ERBB4: variants seen among roughly 807,000 people sequenced by gnomAD.
ERBB4 encodes receptor tyrosine-protein kinase erbB-4.
ERBB4 carries 42 observed loss-of-function variants against 158.0 expected under a neutral mutation model. The ratio of observed to expected loss-of-function variants is 0.27; its 90% CI spans 0.21 to 0.34. The LOEUF (loss-of-function observed/expected upper bound fraction) is 0.34. Among genes scored for constraint, ERBB4 ranks in the 10% least tolerant of loss-of-function variants. The pLI is 1.00. For missense variants in ERBB4, 1,333 were observed against 1,624.1 expected (o/e 0.82, Z 3.08); for synonymous variants, 583 against 558.7 (o/e 1.04, Z -0.61).
At chr2:211,932,257 G>A (rs914594189) in intron 3 of ERBB4, among the ~76,000 whole-genome samples, 1 of 151,896 alleles carries the variant, frequency 6.6e-6, no homozygotes, top group Non-Finnish European at 1.5e-5. Flanking sequence ...TCTGAGCTCT[G>A]TTTTTATCAC....
chr2:211,887,298 GA>G (rs1194068444), intron 3 of ERBB4, among the ~76,000 whole-genome samples: 6 of 141,568 alleles, frequency 4.2e-5, no homozygotes, highest in South Asian at 2.2e-4. Flanking sequence ...GAAACAACAG[GA>G]AAAAAAAAAC....
At chr2:211,410,509 C>T (rs980010793) in intron 25 of ERBB4, among the ~76,000 whole-genome samples, 8 of 152,010 alleles carry the variant, frequency 5.3e-5, no homozygotes, top group African/African-American at 1.4e-4. Flanking sequence ...GAGAAAATGT[C>T]GAAAGGGATA....
At chr2:211,609,223 A>T (rs2069099611) in intron 19 of ERBB4, among the ~76,000 whole-genome samples, 1 of 152,130 alleles carries the variant, frequency 6.6e-6, no homozygotes, top group African/African-American at 2.4e-5. Flanking sequence ...CAGCCATAAA[A>T]TCTGAAAATA....
chr2:212,211,575 ACAG>A (rs80253014), intron 1 of ERBB4, among the ~76,000 whole-genome samples: 24,539 of 151,642 alleles, frequency 0.16, 2,403 homozygotes, highest in Non-Finnish European at 0.21. Context: ...CAAAGTCTAA[ACAG>A]CAGAAGTTTC....
At chr2:211,878,301 C>T (rs188954003) in intron 3 of ERBB4, among the ~76,000 whole-genome samples, 167 of 151,718 alleles carry the variant, frequency 1.1e-3, no homozygotes, top group Non-Finnish European at 2.1e-3. Flanking sequence ...GCCTAAACAA[C>T]TAAAGAAAAA....
chr2:211,403,179 C>T (rs6719315), intron 25 of ERBB4, among the ~76,000 whole-genome samples: 5 of 152,200 alleles, frequency 3.3e-5, no homozygotes, highest in African/African-American at 1.2e-4. Context: ...AAAATGTTCC[C>T]TACAGTTTAT....
At chr2:211,893,078 C>A (rs979023256) in intron 3 of ERBB4, among the ~76,000 whole-genome samples, 3 of 147,054 alleles carry the variant, frequency 2.0e-5, no homozygotes, top group Non-Finnish European at 4.5e-5. Context: ...TCATATGGAA[C>A]CAAAAAAGAG....
At chr2:211,538,509 A>C (rs2066714464) in intron 20 of ERBB4, among the ~76,000 whole-genome samples, 1 of 151,812 alleles carries the variant, frequency 6.6e-6, no homozygotes, top group Non-Finnish European at 1.5e-5. Context: ...TCTAGGCATA[A>C]AATTCCTCAG....
Position 211,708,640 on chromosome 2 carries a change from C to CTCTT in ERBB4, c.1125-3250_1125-3249insAAGA, listed in dbSNP as rs1553615026. 2.6e-5 allele frequency among the ~76,000 whole-genome samples: 3 copies of CTCTT among 114,570 alleles called. 1 individual carries two copies. Among genetic ancestry groups the CTCTT allele is most frequent in the African/African-American group, 8.4e-5 (3 of 35,836 alleles). 75.2% of individuals were successfully genotyped at this position (114,570 alleles called of 152,430 possible). A position where few individuals can be genotyped will look rare whatever the true frequency, so the allele number is the denominator to read the frequency against. On this transcript the variant is annotated intron_variant, in intron 9 of 27. Coordinates refer to ENST00000342788, the MANE Select transcript of ERBB4 (RefSeq NM_005235.3). ...TCTCTCTCTCTCTCTCTCTCTCTCTCTCTCACTATCTTTCCCTCCTTCCCT... is the reference window on the plus strand; with the variant it reads ...TCTCTCTCTCTCTCTCTCTCTCTCTCTCTTTCTCACTATCTTTCCCTCCTTCCCT...
At chr2:212,206,086 T>C (rs890728547) in intron 1 of ERBB4, among the ~76,000 whole-genome samples, 2 of 152,194 alleles carry the variant, frequency 1.3e-5, no homozygotes, top group East Asian at 1.9e-4. Context: ...AGGGAACCAA[T>C]AAAGATTTGC....
intron 1 of ERBB4, among the ~76,000 whole-genome samples, chr2:212,516,716 A>C (rs981744764): frequency 2.6e-5 from 4 of 152,082 alleles, no homozygotes; most frequent in African/African-American, 9.7e-5. Context: ...GTTGCTGCTG[A>C]TGTTGTTTTG....
intron 25 of ERBB4, among the ~76,000 whole-genome samples, chr2:211,392,596 A>ACACACC (rs1358178557): frequency 2.1e-5 from 3 of 142,334 alleles, no homozygotes; most frequent in African/African-American, 7.7e-5. Flanking sequence ...ACACACACAC[A>ACACACC]CACACCCCAA....
intron 5 of ERBB4, among the ~76,000 whole-genome samples, chr2:211,729,605 A>T (rs563834198): frequency 6.6e-6 from 1 of 152,028 alleles, no homozygotes; most frequent in East Asian, 1.9e-4. Context: ...GGCACCATAG[A>T]GTAAATTTAT....
intron 1 of ERBB4, among the ~76,000 whole-genome samples, chr2:212,289,665 G>C (rs1235479829): frequency 6.6e-6 from 1 of 152,138 alleles, no homozygotes; most frequent in East Asian, 1.9e-4. Flanking sequence ...GTATCTGAGG[G>C]CAGAATTTAG....
At position 212,499,720 on chromosome 2, in the gene ERBB4, G is replaced by C. The variant is rs1252500010; in HGVS notation, c.82+38729C>G. On this transcript the variant is annotated intron_variant, in intron 1 of 27. Coordinates refer to ENST00000342788, the MANE Select transcript of ERBB4 (RefSeq NM_005235.3). ...TTGAAGTGGTGGTTCCCTTGGCAGAGAGGAGAACATAGAAATTTGGTAAAG... is the reference window on the plus strand; with the variant it reads ...TTGAAGTGGTGGTTCCCTTGGCAGACAGGAGAACATAGAAATTTGGTAAAG... 3.3e-5 allele frequency among the ~76,000 whole-genome samples: 5 copies of C among 152,148 alleles called. No homozygotes were observed. In the East Asian group the frequency reaches 9.6e-4, roughly 29 times the overall value.
At chr2:212,250,042 T>C (rs1055136349) in intron 1 of ERBB4, among the ~76,000 whole-genome samples, 2 of 152,024 alleles carry the variant, frequency 1.3e-5, no homozygotes, top group African/African-American at 4.8e-5. Context: ...AATTTAATCA[T>C]TGAACCTAAA....
chr2:211,605,114 A>G (rs1020635660), intron 19 of ERBB4, among the ~76,000 whole-genome samples: 17 of 152,310 alleles, frequency 1.1e-4, no homozygotes, highest in African/African-American at 3.6e-4. Context: ...CTTGGATCAC[A>G]GTTAACAGAC....
At chr2:212,444,518 A>G (rs1046776032) in intron 1 of ERBB4, among the ~76,000 whole-genome samples, 2 of 152,158 alleles carry the variant, frequency 1.3e-5, no homozygotes, top group Non-Finnish European at 2.9e-5. Context: ...AACTGTGAAG[A>G]TATTTGTTTC....
At chr2:211,457,215 A>G (rs1396321932) in intron 20 of ERBB4, among the ~76,000 whole-genome samples, 2 of 152,176 alleles carry the variant, frequency 1.3e-5, no homozygotes, top group Non-Finnish European at 2.9e-5. Context: ...TGCACGGCCA[A>G]TACATTATGG....
Sources: allele counts gnomAD v4.1 joint callset (sites outside exome capture counted in the v4.1 genomes callset), GRCh38; gene constraint gnomAD v4.1.1; transcripts MANE v1.5; gene names NCBI Gene and HGNC (gene_info 2026-07-23, HGNC 2026-07-21).